ELMO1: variants seen among roughly 807,000 people sequenced by gnomAD.
ELMO1 encodes engulfment and cell motility 1, also known as engulfment and cell motility protein 1.
Under a neutral mutation model 98.9 loss-of-function variants are expected in ELMO1, and 26 were observed. The ratio of observed to expected loss-of-function variants is 0.26; its 90% confidence interval spans 0.19 to 0.36. ELMO1 has a LOEUF of 0.36. ELMO1 is among the 10% of genes least tolerant of loss of function. The pLI is 1.00. For synonymous variants in ELMO1, 346 were observed against 346.0 expected (o/e 1.00, Z 0.00); for missense variants, 627 against 935.2 (o/e 0.67, Z 4.30).
intron 1 of ELMO1, among the ~76,000 whole-genome samples, chr7:37,361,056 T>A (rs1801680591): frequency 6.6e-6 from 1 of 152,206 alleles, no homozygotes; most frequent in African/African-American, 2.4e-5. Flanking sequence ...TTCTCACACA[T>A]TGCTGATAAA....
intron 16 of ELMO1, among the ~76,000 whole-genome samples, chr7:36,990,429 C>T (rs1176655576): frequency 6.6e-6 from 1 of 152,146 alleles, no homozygotes; most frequent in Non-Finnish European, 1.5e-5. Context: ...TATCATCCAG[C>T]TTCTGAACAC....
intron 16 of ELMO1, among the ~76,000 whole-genome samples, chr7:37,002,623 C>A (rs753658872): frequency 2.0e-5 from 3 of 152,184 alleles, no homozygotes; most frequent in East Asian, 1.9e-4. Context: ...CCTCTGTACT[C>A]CCAGTGTCTA....
intron 1 of ELMO1, among the ~76,000 whole-genome samples, chr7:37,385,234 T>G (rs1202041209): frequency 6.6e-6 from 1 of 152,208 alleles, no homozygotes; most frequent in Non-Finnish European, 1.5e-5. Flanking sequence ...ACTCAAAACC[T>G]TCGAAGGCAC....
intron 15 of ELMO1, among the ~76,000 whole-genome samples, chr7:37,063,638 T>C (rs1416094625): frequency 6.6e-6 from 1 of 152,152 alleles, no homozygotes; most frequent in African/African-American, 2.4e-5. Context: ...GCTTCTACCA[T>C]CATCCTGGGT....
chr7:37,154,656 G>T (rs1406721017), intron 13 of ELMO1, among the ~76,000 whole-genome samples: 3 of 152,156 alleles, frequency 2.0e-5, no homozygotes, highest in African/African-American at 4.8e-5. Context: ...AAGAAATACG[G>T]GACTATGTGA....
chr7:37,200,880 G>A (rs1792253016), intron 13 of ELMO1, among the ~76,000 whole-genome samples: 1 of 151,546 alleles, frequency 6.6e-6, no homozygotes, highest in Admixed American at 6.6e-5. Context: ...GAGCCCAGGA[G>A]GCAGTTGAGC....
At chr7:36,925,779 C>T (rs1248360997) in intron 16 of ELMO1, among the ~76,000 whole-genome samples, 1 of 152,226 alleles carries the variant, frequency 6.6e-6, no homozygotes, top group Non-Finnish European at 1.5e-5. Context: ...TGACAAATCA[C>T]CTACTCGTAA....
chr7:36,870,471 C>A lies in ELMO1; in HGVS notation c.1827G>T (p.Pro609=). 1 of 1,613,446 alleles carries A rather than the reference C, an allele frequency of 6.2e-7. No homozygotes were observed. The highest frequency in any genetic ancestry group is 2.2e-5 in the East Asian group (1 of 44,846). Reference sequence around the variant, plus strand: ...TCACCACGGCTTTGATATCTGCCACCGGCACTGCAATTCATAAAAGAAAAT... The same window carrying A: ...TCACCACGGCTTTGATATCTGCCACAGGCACTGCAATTCATAAAAGAAAAT... ...VPHDSLQDKL[P]VADIKAVVTG... Residue 609 remains proline, a synonymous_variant, in exon 20 of 22, where the codon CCG becomes CCT. Coordinates refer to ENST00000310758, the MANE Select transcript of ELMO1 (RefSeq NM_014800.11). This position sits in a 1 kb window ranked among gnomAD's most constrained non-coding sequence, Gnocchi z 4.4.
chr7:37,105,655 A>C (rs1784902653), intron 14 of ELMO1, among the ~76,000 whole-genome samples: 1 of 152,240 alleles, frequency 6.6e-6, no homozygotes, highest in Non-Finnish European at 1.5e-5. Context: ...TGTGGGAACC[A>C]CTGACTTACA....
intron 1 of ELMO1, among the ~76,000 whole-genome samples, chr7:37,381,272 C>T (rs549630070): frequency 6.6e-6 from 1 of 152,204 alleles, no homozygotes; most frequent in Admixed American, 6.5e-5. Context: ...CTTCACAGTC[C>T]GTGTCATTCA....
intron 1 of ELMO1, among the ~76,000 whole-genome samples, chr7:37,443,101 G>T (rs754560410): frequency 6.6e-6 from 1 of 152,120 alleles, no homozygotes; most frequent in Non-Finnish European, 1.5e-5. Flanking sequence ...AGAGAAAAAT[G>T]TCGCATTGAT....
At chr7:36,888,370 TA>T (rs1350242634) in intron 17 of ELMO1, among the ~76,000 whole-genome samples, 18 of 152,200 alleles carry the variant, frequency 1.2e-4, no homozygotes, top group Admixed American at 8.5e-4. Flanking sequence ...CAGAAATTTT[TA>T]TCATAGGAAA....
chr7:37,178,258 G>A (rs112813566), intron 13 of ELMO1, among the ~76,000 whole-genome samples: 185 of 152,070 alleles, frequency 1.2e-3, no homozygotes, highest in African/African-American at 4.1e-3. Context: ...CAACAGGCAA[G>A]GAGAGAATAA....
intron 13 of ELMO1, among the ~76,000 whole-genome samples, chr7:37,141,721 A>C (rs941937366): frequency 3.3e-5 from 5 of 152,190 alleles, no homozygotes; most frequent in African/African-American, 9.7e-5. Flanking sequence ...AAACAGCATG[A>C]ATCTCTGTTT....
rs1022320483 is a variant in ELMO1 at position 37,338,420 on chromosome 7, A to T, written c.78+4193T>A. Among the ~76,000 whole-genome samples the T allele has an allele frequency of 2.6e-5, 4 of 152,186 alleles. No individual in the cohort carries two copies. In the South Asian group the frequency reaches 8.3e-4, roughly 32 times the overall value. ...AACATACAAGGCACCATTTATGAGG[A>T]ACAAGCCCTCATCACACACCACATC... On this transcript the variant is annotated intron_variant, in intron 2 of 21. Transcript: ENST00000310758.
At chr7:37,372,055 G>A (rs370560955) in intron 1 of ELMO1, among the ~76,000 whole-genome samples, 6 of 151,900 alleles carry the variant, frequency 3.9e-5, no homozygotes, top group Middle Eastern at 3.4e-3. Flanking sequence ...AAATACTGCC[G>A]GTAATTACCA....
intron 2 of ELMO1, among the ~76,000 whole-genome samples, chr7:37,330,041 C>G (rs989344774): frequency 4.6e-5 from 7 of 152,206 alleles, no homozygotes; most frequent in Non-Finnish European, 1.0e-4. Context: ...ATTTTCTACT[C>G]CCTTGGACAC....
intron 13 of ELMO1, among the ~76,000 whole-genome samples, chr7:37,170,458 C>T (rs1790073604): frequency 6.6e-6 from 1 of 152,196 alleles, no homozygotes; most frequent in Non-Finnish European, 1.5e-5. Context: ...ATCTGTTCCT[C>T]TACATTTCCA....
intron 1 of ELMO1, among the ~76,000 whole-genome samples, chr7:37,392,959 A>G (rs1161764246): frequency 6.6e-6 from 1 of 152,174 alleles, no homozygotes; most frequent in Non-Finnish European, 1.5e-5. Context: ...TTGCTGAGAA[A>G]GGATGCAGGT....
Sources: gnomAD v4.1 joint callset for allele counts (sites outside exome capture counted in the v4.1 genomes callset) on GRCh38, gnomAD v4.1.1 for gene constraint, Gnocchi (gnomAD v3.1) non-coding constraint, MANE v1.5 for transcripts, NCBI Gene and HGNC (gene_info 2026-07-23, HGNC 2026-07-21) for gene names.